MCF2L: variants seen among roughly 807,000 people sequenced by gnomAD.
MCF2L encodes the protein guanine nucleotide exchange factor DBS.
In MCF2L, 97 loss-of-function variants were observed where a neutral mutation model predicts 153.4. The observed-to-expected ratio is 0.63, with a 90% CI of 0.54 to 0.75. MCF2L has a LOEUF of 0.75. MCF2L is among the 30% of genes least tolerant of loss of function. The pLI is 0.00. For synonymous variants in MCF2L, 659 were observed against 632.2 expected (o/e 1.04, Z -0.64); for missense variants, 1,347 against 1,495.2 (o/e 0.90, Z 1.64).
intron 2 of MCF2L, among the ~76,000 whole-genome samples, chr13:112,962,322 C>T (rs1362237657): frequency 6.6e-6 from 1 of 152,222 alleles, no homozygotes; most frequent in Non-Finnish European, 1.5e-5. Context: ...TGCACATACA[C>T]ATACACACCT....
At chr13:112,947,037 A>G (rs1007587648) in intron 2 of MCF2L, among the ~76,000 whole-genome samples, 8 of 152,164 alleles carry the variant, frequency 5.3e-5, no homozygotes, top group Non-Finnish European at 8.8e-5. Flanking sequence ...ATAACAAAAC[A>G]TCACAGACTG....
intron 1 of MCF2L, among the ~76,000 whole-genome samples, chr13:113,006,899 C>T (rs1235059075): frequency 6.6e-6 from 1 of 152,164 alleles, no homozygotes; most frequent in Non-Finnish European, 1.5e-5. Flanking sequence ...GCAGCGGAGC[C>T]ATGGGTACTG....
rs925481168 is a variant in MCF2L at position 113,070,632 on chromosome 13, C to T, written c.996+459C>T. ...TCGTGGACTCACCCATGTCCCTCCT[C>T]AGCCCCCGGCAACCACTCATCTGTT... On this transcript the variant is annotated intron_variant, in intron 9 of 29. Transcript: ENST00000535094. This position sits in a 1 kb window ranked among gnomAD's most constrained non-coding sequence, Gnocchi z 5.6. Among the ~76,000 whole-genome samples the T allele has an allele frequency of 7.6e-6, 1 of 131,486 alleles. No homozygotes were observed. Among genetic ancestry groups the T allele is most frequent in the Non-Finnish European group, 1.6e-5 (1 of 62,480 alleles). 86.3% of individuals were successfully genotyped at this position (131,486 alleles called of 152,430 possible).
chr13:113,019,468 T>G (rs974403425), intron 2 of MCF2L, among the ~76,000 whole-genome samples: 1 of 152,046 alleles, frequency 6.6e-6, no homozygotes, highest in South Asian at 2.1e-4. Flanking sequence ...CCCGTGGGGG[T>G]TTGCCCTTGC....
chr13:113,056,535 T>C (rs1391261216), intron 4 of MCF2L, among the ~76,000 whole-genome samples: 1 of 118,266 alleles, frequency 8.5e-6, no homozygotes, highest in Non-Finnish European at 1.7e-5. Flanking sequence ...TGCTGTGTGT[T>C]TGGGTGCTGA....
chr13:112,991,709 C>G (rs1055750759), intron 1 of MCF2L, among the ~76,000 whole-genome samples: 8 of 152,182 alleles, frequency 5.3e-5, no homozygotes, highest in African/African-American at 1.9e-4. Flanking sequence ...TTTTCATGCT[C>G]TGCAGCAGTC....
intron 2 of MCF2L, among the ~76,000 whole-genome samples, chr13:113,022,805 C>T (rs946372230): frequency 1.3e-5 from 2 of 152,216 alleles, no homozygotes; most frequent in South Asian, 2.1e-4. Context: ...TTGTCGTACT[C>T]GCACAGGAGG....
In MCF2L at chr13:112,994,389, A is replaced by G. The variant is rs533256968; in HGVS notation, c.80-20374A>G. Reference sequence around the variant, plus strand: ...ATGGGGCAAGGTGCGTGGGACGTCAAGCTGACGTCACTGTCTGTGCCAGTG... The same window carrying G: ...ATGGGGCAAGGTGCGTGGGACGTCAGGCTGACGTCACTGTCTGTGCCAGTG... On this transcript the variant is annotated intron_variant, in intron 1 of 29. Coordinates refer to ENST00000535094, the MANE Select transcript of MCF2L (RefSeq NM_001112732.3). Among the ~76,000 whole-genome samples, 4 of 151,554 alleles carry G rather than the reference A, an allele frequency of 2.6e-5. No individual in the cohort carries two copies. The East Asian group carries it at 7.8e-4, about 30-fold the overall frequency.
At chr13:112,927,990 GAAA>G (rs548737914) in intron 2 of MCF2L, among the ~76,000 whole-genome samples, 87 of 152,192 alleles carry the variant, frequency 5.7e-4, no homozygotes, top group Admixed American at 1.1e-3. Context: ...AAAACACAGA[GAAA>G]AATAACAGGA....
At chr13:113,056,636 T>C (rs2029883366) in intron 4 of MCF2L, among the ~76,000 whole-genome samples, 1 of 147,254 alleles carries the variant, frequency 6.8e-6, no homozygotes, top group East Asian at 2.1e-4. Flanking sequence ...GTTTGGGTGC[T>C]GTGTGTTTGG....
In MCF2L at chr13:113,082,473, C is replaced by A; in HGVS notation, c.1922C>A (p.Ser641Ter). 3.1e-6 allele frequency: 5 copies of A among 1,614,078 alleles called. No individual in the cohort carries two copies. The highest frequency in any genetic ancestry group is 4.2e-6 in the Non-Finnish European group (5 of 1,179,968). Reference sequence around the variant, plus strand: ...AACCCACTGATGGCTCACCTCCTGTCAACAGGCCTTCACAACAAGAAGGAT... The same window carrying A: ...AACCCACTGATGGCTCACCTCCTGTAAACAGGCCTTCACAACAAGAAGGAT... ...MDNPLMAHLL[S>*]TGLHNKKDVL... Residue 641 changes from serine (S) to a stop codon, truncating the protein, a stop_gained, in exon 17 of 30, where the codon TCA (serine) becomes TAA (stop). Transcript: ENST00000535094. LOFTEE classifies it high-confidence loss of function.
Position 112,969,522 on chromosome 13 carries a change from G to A in MCF2L, c.79+64G>A, listed in dbSNP as rs2140805423. On this transcript the variant is annotated intron_variant, in intron 1 of 29. Coordinates refer to ENST00000535094, the MANE Select transcript of MCF2L (RefSeq NM_001112732.3). This position sits in a 1 kb window ranked among gnomAD's most constrained non-coding sequence, Gnocchi z 4.8. ...GCTTGACATCATGGGCTGAAATGTG[G>A]GGAAATGCGTCTGATTTTTGTAAGC... 6.5e-7 allele frequency: 1 copy of A among 1,544,486 alleles called. No individual in the cohort carries two copies. The highest frequency in any genetic ancestry group is 8.8e-7 in the Non-Finnish European group (1 of 1,142,530).
rs372206984 is a variant in MCF2L, at chr13:112,979,429, G to A, written c.79+9971G>A. The A allele has an allele frequency of 1.3e-4, 177 of 1,398,626 alleles. No individual in the cohort carries two copies. In the African/African-American group the frequency reaches 1.9e-3, roughly 15 times the overall value. 86.6% of individuals were successfully genotyped at this position (1,398,626 alleles called of 1,614,324 possible). On this transcript the variant is annotated intron_variant, in intron 1 of 29. Transcript: ENST00000535094. ...GGCTCGGGCCAGGCTCTGGGAGGCC[G>A]GGCACTCTGAGGAGGTGGCTCAGCC...
intron 16 of MCF2L, among the ~76,000 whole-genome samples, chr13:113,081,765 C>G (rs554017307): frequency 2.0e-5 from 3 of 152,334 alleles, no homozygotes; most frequent in African/African-American, 7.2e-5. Flanking sequence ...TGAGTGTAGA[C>G]AGCGAGTGTG....
intron 2 of MCF2L, among the ~76,000 whole-genome samples, chr13:112,955,629 C>T (rs983148399): frequency 2.0e-5 from 3 of 152,174 alleles, no homozygotes; most frequent in Admixed American, 6.5e-5. Flanking sequence ...GATTGGAACC[C>T]AGGCAGGTGA....
At chr13:112,895,334 G>A (rs1488475468) in intron 1 of MCF2L, among the ~76,000 whole-genome samples, 1 of 152,210 alleles carries the variant, frequency 6.6e-6, no homozygotes, top group Non-Finnish European at 1.5e-5. Context: ...CAGGCAGGAT[G>A]TGCCGGCATG....
At chr13:113,037,477 C>A (rs79343989) in intron 3 of MCF2L, among the ~76,000 whole-genome samples, 2,074 of 152,264 alleles carry the variant, frequency 0.014, 46 homozygotes, top group African/African-American at 0.047. Context: ...CCAGGATACC[C>A]CTTTCGACCT....
intron 7 of MCF2L, among the ~76,000 whole-genome samples, 160 bp from the exon 8 acceptor site, chr13:113,065,886 C>T (rs1396790902): frequency 3.9e-5 from 6 of 152,202 alleles, no homozygotes; most frequent in South Asian, 2.1e-4. Context: ...CCCGCCTGCC[C>T]GCACGACCCC....
chr13:113,086,443 C>T (rs2034647060), intron 21 of MCF2L, among the ~76,000 whole-genome samples, 194 bp downstream of exon 21: 1 of 152,050 alleles, frequency 6.6e-6, no homozygotes, highest in Non-Finnish European at 1.5e-5. Flanking sequence ...CAGCCGGGTC[C>T]ACAGACCCCA....
Sources: allele counts gnomAD v4.1 joint callset (sites outside exome capture counted in the v4.1 genomes callset), GRCh38; gene constraint gnomAD v4.1.1; non-coding constraint Gnocchi (gnomAD v3.1); transcripts MANE v1.5; gene names NCBI Gene and HGNC (gene_info 2026-07-23, HGNC 2026-07-21).